Variants in CTNNA3 observed in about 807,000 individuals in gnomAD.
The protein encoded by CTNNA3 is catenin alpha-3.
CTNNA3 carries 76 observed loss-of-function variants against 95.7 expected under a neutral mutation model. The observed-to-expected ratio is 0.79, with a 90% CI of 0.66 to 0.96. The LOEUF is 0.96. Among genes scored for constraint, CTNNA3 ranks in the 40% least tolerant of loss-of-function variants. The pLI, the probability that CTNNA3 is intolerant of heterozygous loss-of-function variation, is 0.00. For missense variants in CTNNA3, 1,191 were observed against 1,089.8 expected, an observed-to-expected ratio of 1.09 and a Z score of -1.31; for synonymous variants, 431 against 374.4, an observed-to-expected ratio of 1.15 and a Z score of -1.74.
chr10:65,948,881 C>T (rs947327334), intron 17 of CTNNA3, among the ~76,000 whole-genome samples: 2 of 152,160 alleles, frequency 1.3e-5, no homozygotes, highest in African/African-American at 4.8e-5. Context: ...AATGACAACT[C>T]TAAACTATAA....
intron 6 of CTNNA3, among the ~76,000 whole-genome samples, chr10:67,218,813 G>C (rs1296446380): frequency 1.3e-5 from 2 of 152,172 alleles, no homozygotes; most frequent in Admixed American, 6.5e-5. Context: ...TGGTTTTTCA[G>C]TTCCTCTCAT....
At chr10:66,113,912 T>C (rs1193308029) in intron 13 of CTNNA3, among the ~76,000 whole-genome samples, 1 of 152,078 alleles carries the variant, frequency 6.6e-6, no homozygotes, top group East Asian at 1.9e-4. Flanking sequence ...GCAATACCAT[T>C]ACTCTTCTTG....
chr10:67,438,359 C>G (rs1313491032), intron 5 of CTNNA3, among the ~76,000 whole-genome samples: 1 of 152,146 alleles, frequency 6.6e-6, no homozygotes, highest in Non-Finnish European at 1.5e-5. Context: ...ACACAGCAGG[C>G]TCTCTCTAAA....
chr10:67,175,695 C>T (rs529124087), intron 7 of CTNNA3, among the ~76,000 whole-genome samples: 58 of 152,230 alleles, frequency 3.8e-4, no homozygotes, highest in African/African-American at 1.3e-3. Flanking sequence ...TCATGTATCA[C>T]CTGAATATTA....
intron 7 of CTNNA3, among the ~76,000 whole-genome samples, chr10:66,913,262 A>AG (rs1477429912): frequency 6.9e-6 from 1 of 145,942 alleles, no homozygotes; most frequent in Non-Finnish European, 1.5e-5. Context: ...AAAAAAAAAA[A>AG]AAAGAAAAAG....
In CTNNA3 at chr10:66,186,305, A is replaced by T. The variant is rs376031422; in HGVS notation, c.1885-83056T>A. 1.7e-3 allele frequency among the ~76,000 whole-genome samples: 227 copies of T among 133,188 alleles called. 1 individual carries two copies. The highest frequency in any genetic ancestry group is 5.1e-3 in the South Asian group (19 of 3,762). The allele number at this position is 133,188 out of a possible 152,430, so 87.4% of individuals were successfully genotyped here. A position where few individuals can be genotyped will look rare whatever the true frequency, so the allele number is the denominator to read the frequency against. ...GAGTGTGTGTGTGTGTGTGTGTGTG[A>T]GAGATAGAGAGAGAGAGATGAGTGT... On this transcript the variant is annotated intron_variant, in intron 13 of 17. Coordinates refer to ENST00000433211, the MANE Select transcript of CTNNA3 (RefSeq NM_013266.4).
intron 5 of CTNNA3, among the ~76,000 whole-genome samples, chr10:67,247,321 A>G (rs2132347604): frequency 6.6e-6 from 1 of 152,352 alleles, no homozygotes; most frequent in South Asian, 2.1e-4. Context: ...GCAAAAGGCA[A>G]GATCAATAGG....
At chr10:67,187,475 C>T (rs546957428) in intron 6 of CTNNA3, among the ~76,000 whole-genome samples, 2 of 152,224 alleles carry the variant, frequency 1.3e-5, no homozygotes, top group South Asian at 2.1e-4. Flanking sequence ...CCACTCATTT[C>T]TTCTCCTCCT....
At chr10:66,118,881 T>C (rs1333881182) in intron 13 of CTNNA3, among the ~76,000 whole-genome samples, 1 of 152,024 alleles carries the variant, frequency 6.6e-6, no homozygotes, top group Non-Finnish European at 1.5e-5. Context: ...TGTTTGTGTG[T>C]CACACTATTC....
intron 5 of CTNNA3, among the ~76,000 whole-genome samples, chr10:67,406,076 G>A (rs780208794): frequency 6.6e-6 from 1 of 152,162 alleles, no homozygotes; most frequent in Non-Finnish European, 1.5e-5. Context: ...GAGAGCTGAT[G>A]GTTTTATAAG....
At chr10:67,458,996 A>G (rs1237350998) in intron 5 of CTNNA3, among the ~76,000 whole-genome samples, 1 of 152,236 alleles carries the variant, frequency 6.6e-6, no homozygotes, top group African/African-American at 2.4e-5. Context: ...GAAAGTACAC[A>G]CCATGGCAAT....
At chr10:66,930,056 A>T (rs1462593418) in intron 7 of CTNNA3, among the ~76,000 whole-genome samples, 1 of 151,604 alleles carries the variant, frequency 6.6e-6, no homozygotes, top group Non-Finnish European at 1.5e-5. Context: ...ATTTTTACTA[A>T]TTTTTTTTTA....
intron 7 of CTNNA3, among the ~76,000 whole-genome samples, chr10:67,022,394 AGAG>A (rs1327135177): frequency 6.6e-6 from 1 of 152,102 alleles, no homozygotes; most frequent in Non-Finnish European, 1.5e-5. Context: ...CACATATTAT[AGAG>A]AAGTAGAAAA....
At chr10:66,928,512 G>T in intron 7 of CTNNA3, 1 of 1,464,102 alleles carries the variant, frequency 6.8e-7, no homozygotes, top group South Asian at 1.4e-5. Context: ...GTGCTTTATT[G>T]AACTCTGGTG....
chr10:66,166,474 G>T (rs2085132147), intron 13 of CTNNA3, among the ~76,000 whole-genome samples: 1 of 145,268 alleles, frequency 6.9e-6, no homozygotes, highest in Non-Finnish European at 1.5e-5. Context: ...ACTCCATCCT[G>T]GGGGACAGAG....
rs116161754 is a variant in CTNNA3 at position 66,046,582 on chromosome 10, C to A, written c.2159+22726G>T. On this transcript the variant is annotated intron_variant, in intron 15 of 17. Coordinates refer to ENST00000433211, the MANE Select transcript of CTNNA3 (RefSeq NM_013266.4). ...AATTAGAGAAGCAAAAACAGATAAA[C>A]CCCAAAGCTAGCAGAAGATAAGAAA... Among the ~76,000 whole-genome samples the A allele has an allele frequency of 1.7e-3, 260 of 151,544 alleles. 2 individuals are homozygous for A. The highest frequency in any genetic ancestry group is 5.9e-3 in the African/African-American group (245 of 41,310).
chr10:66,065,167 CA>C (rs2080287500), intron 15 of CTNNA3, among the ~76,000 whole-genome samples: 6 of 152,020 alleles, frequency 3.9e-5, no homozygotes, highest in Admixed American at 3.3e-4. Flanking sequence ...ATCTGATTCT[CA>C]GCTCATTCAT....
chr10:66,495,683 A>G (rs750099509), intron 11 of CTNNA3, among the ~76,000 whole-genome samples: 11 of 151,942 alleles, frequency 7.2e-5, no homozygotes, highest in Non-Finnish European at 1.6e-4. Context: ...ACAGAGTTTC[A>G]CTCACTCTTT....
intron 11 of CTNNA3, among the ~76,000 whole-genome samples, chr10:66,486,235 C>T (rs1207515720): frequency 6.6e-6 from 1 of 152,038 alleles, no homozygotes; most frequent in African/African-American, 2.4e-5. Context: ...ATCATTTGTA[C>T]AGCAAGGAAA....
Sources: gnomAD v4.1 joint callset for allele counts (sites outside exome capture counted in the v4.1 genomes callset) on GRCh38, gnomAD v4.1.1 for gene constraint, MANE v1.5 for transcripts, NCBI Gene and HGNC (gene_info 2026-07-23, HGNC 2026-07-21) for gene names.